The following GLIS3 variants were observed in gnomAD, a reference collection of about 807,000 sequenced individuals.
GLIS3 encodes the protein GLIS family zinc finger 3.
GLIS3 carries 53 observed loss-of-function variants against 78.6 expected under a neutral mutation model. The ratio of observed to expected loss-of-function variants is 0.67; its 90% confidence interval spans 0.54 to 0.85. The LOEUF (loss-of-function observed/expected upper bound fraction) is 0.85, where lower values mean the gene tolerates loss of function less well. Ranked by LOEUF, GLIS3 falls within the 40% of genes least tolerant of loss-of-function variation. The pLI, the probability that GLIS3 is intolerant of heterozygous loss-of-function variation, is 0.00. For missense variants in GLIS3, 1,703 were observed against 1,231.1 expected (o/e 1.38, Z -5.74); for synonymous variants, 684 against 509.9 (o/e 1.34, Z -4.60).
At chr9:4,188,098 G>A (rs1817978298) in intron 2 of GLIS3, among the ~76,000 whole-genome samples, 2 of 151,618 alleles carry the variant, frequency 1.3e-5, no homozygotes, top group East Asian at 3.9e-4. Context: ...AATGCTTCCA[G>A]GTTTTGCCCA....
chr9:4,354,559 C>G, the GLIS3 span, among the ~76,000 whole-genome samples: 3 of 152,180 alleles, frequency 2.0e-5, no homozygotes, highest in Admixed American at 1.3e-4. Context: ...TTATTCAGGT[C>G]AAAACCTCAG....
chr9:4,246,188 G>C (rs1823786145), intron 2 of GLIS3, among the ~76,000 whole-genome samples: 2 of 152,180 alleles, frequency 1.3e-5, no homozygotes, highest in Admixed American at 6.5e-5. Flanking sequence ...ATGAAACCCT[G>C]TCTCTACCAC....
intron 2 of GLIS3, among the ~76,000 whole-genome samples, chr9:4,340,164 T>A (rs889974423): frequency 2.6e-5 from 4 of 151,974 alleles, no homozygotes; most frequent in Non-Finnish European, 4.4e-5. Context: ...ATACTTTTAA[T>A]ATTTTCTTTC....
At chr9:3,900,419 A>T (rs980434494) in intron 6 of GLIS3, among the ~76,000 whole-genome samples, 2 of 152,168 alleles carry the variant, frequency 1.3e-5, no homozygotes, top group Non-Finnish European at 2.9e-5. Context: ...AAGGTCCATA[A>T]TTGAAATAAT....
chr9:4,355,110 C>T, the GLIS3 span, among the ~76,000 whole-genome samples: 7 of 147,660 alleles, frequency 4.7e-5, no homozygotes, highest in African/African-American at 5.0e-5. Context: ...TTAGCCTGGG[C>T]GACAGAGCGA....
At chr9:4,068,809 T>TGTGC (rs140402622) in intron 4 of GLIS3, among the ~76,000 whole-genome samples, 39,254 of 150,256 alleles carry the variant, frequency 0.26, 5,887 homozygotes, top group South Asian at 0.39. Flanking sequence ...TGTTATTTTT[T>TGTGC]GTGCATGCAT....
intron 3 of GLIS3, among the ~76,000 whole-genome samples, chr9:4,124,173 T>C (rs1832392470): frequency 6.6e-6 from 1 of 152,202 alleles, no homozygotes; most frequent in Non-Finnish European, 1.5e-5. Context: ...TCCCAATTCC[T>C]GTTTCTTTGC....
At chr9:4,484,276 C>T in the GLIS3 span, among the ~76,000 whole-genome samples, 7 of 145,104 alleles carry the variant, frequency 4.8e-5, no homozygotes, top group Admixed American at 2.8e-4. Flanking sequence ...CTCGCTCTGT[C>T]GCCCAGGCTA....
chr9:4,278,142 A>G (rs974110272), intron 2 of GLIS3, among the ~76,000 whole-genome samples: 14 of 152,246 alleles, frequency 9.2e-5, no homozygotes, highest in African/African-American at 3.4e-4. Flanking sequence ...AACACTGACA[A>G]GTGTGCAACA....
At chr9:4,292,601 G>C (rs1816103870) in intron 1 of GLIS3, among the ~76,000 whole-genome samples, 1 of 152,152 alleles carries the variant, frequency 6.6e-6, no homozygotes, top group East Asian at 1.9e-4. Context: ...AGGATTCAAT[G>C]ATACAAAGCT....
intron 2 of GLIS3, among the ~76,000 whole-genome samples, chr9:4,310,800 G>A (rs1301088455): frequency 2.0e-5 from 3 of 152,162 alleles, no homozygotes; most frequent in African/African-American, 2.4e-5. Context: ...AGTCTCTGAA[G>A]CACTTTCCAC....
chr9:3,879,220 C>A (rs1284457779), intron 8 of GLIS3, among the ~76,000 whole-genome samples: 1 of 152,144 alleles, frequency 6.6e-6, no homozygotes, highest in African/African-American at 2.4e-5. Flanking sequence ...TTGCCAGTAT[C>A]ATTTCATTTG....
chr9:3,902,404 T>C (rs145138444), intron 6 of GLIS3, among the ~76,000 whole-genome samples: 62 of 152,338 alleles, frequency 4.1e-4, no homozygotes, highest in African/African-American at 1.4e-3. Flanking sequence ...AGGAGGCACA[T>C]AGCAGAATCT....
chr9:4,474,157 G>A, the GLIS3 span, among the ~76,000 whole-genome samples: 1 of 152,174 alleles, frequency 6.6e-6, no homozygotes, highest in African/African-American at 2.4e-5. Flanking sequence ...TTTAAAAAAT[G>A]TTCCAGGATT....
At chr9:4,343,863 T>A (rs936834640) in intron 2 of GLIS3, among the ~76,000 whole-genome samples, 1 of 152,032 alleles carries the variant, frequency 6.6e-6, no homozygotes, top group Non-Finnish European at 1.5e-5. Flanking sequence ...GAGCTAAACA[T>A]TGAGTACACA....
At chr9:4,430,922 T>A in the GLIS3 span, among the ~76,000 whole-genome samples, 1 of 152,154 alleles carries the variant, frequency 6.6e-6, no homozygotes, top group Non-Finnish European at 1.5e-5. Flanking sequence ...AAACTGCTCT[T>A]TCAAGAGAGA....
chr9:4,106,915 A>C (rs1172597384), intron 4 of GLIS3, among the ~76,000 whole-genome samples: 1 of 152,098 alleles, frequency 6.6e-6, no homozygotes, highest in Non-Finnish European at 1.5e-5. Flanking sequence ...AAGAACATGT[A>C]ATTTGGACAA....
chr9:4,188,053 G>A (rs1563722822), intron 2 of GLIS3, among the ~76,000 whole-genome samples: 1 of 152,028 alleles, frequency 6.6e-6, no homozygotes, highest in African/African-American at 2.4e-5. Context: ...AGTGGTGAGA[G>A]AGGGCATCCC....
chr9:4,154,758 G>A (rs747338175), intron 2 of GLIS3, among the ~76,000 whole-genome samples: 5 of 152,184 alleles, frequency 3.3e-5, no homozygotes, highest in East Asian at 3.9e-4. Context: ...AAGCAACTTG[G>A]TAACACAGTC....
Sources: gnomAD v4.1 joint callset for allele counts (sites outside exome capture counted in the v4.1 genomes callset) on GRCh38, gnomAD v4.1.1 for gene constraint, MANE v1.5 for transcripts, NCBI Gene and HGNC (gene_info 2026-07-23, HGNC 2026-07-21) for gene names.